UNC13C: variants seen among roughly 807,000 people sequenced by gnomAD.
UNC13C encodes protein unc-13 homolog C.
Under a neutral mutation model 245.4 loss-of-function variants are expected in UNC13C, and 174 were observed. The ratio of observed to expected loss-of-function variants is 0.71; its 90% CI spans 0.63 to 0.80. The LOEUF (loss-of-function observed/expected upper bound fraction) is 0.80. UNC13C is among the 30% of genes least tolerant of loss of function. The pLI is 0.00. For missense variants in UNC13C, 2,829 were observed against 2,602.9 expected (o/e 1.09, Z -1.89); for synonymous variants, 992 against 895.1 (o/e 1.11, Z -1.93).
chr15:54,241,759 G>T (rs1371772379), intron 7 of UNC13C, among the ~76,000 whole-genome samples: 1 of 152,112 alleles, frequency 6.6e-6, no homozygotes, highest in Non-Finnish European at 1.5e-5. Context: ...GGCCATCAGC[G>T]CAGTAGGGCA....
At chr15:53,981,244 A>G (rs746157414) in intron 1 of UNC13C, among the ~76,000 whole-genome samples, 32 of 152,292 alleles carry the variant, frequency 2.1e-4, no homozygotes, top group South Asian at 1.5e-3. Flanking sequence ...TCCAGTTTCA[A>G]CATATATGTT....
intron 19 of UNC13C, among the ~76,000 whole-genome samples, chr15:54,461,202 T>A (rs1024862093): frequency 6.6e-6 from 1 of 152,178 alleles, no homozygotes; most frequent in South Asian, 2.1e-4. Flanking sequence ...AGGTTGAGCA[T>A]CCCAAATCCA....
chr15:54,440,308 C>G (rs145347338), intron 19 of UNC13C, among the ~76,000 whole-genome samples: 8 of 152,062 alleles, frequency 5.3e-5, no homozygotes, highest in African/African-American at 1.4e-4. Context: ...AATTACCCAG[C>G]CTTGGGTATT....
At chr15:54,028,682 G>GTTTTTTTT (rs1896223044) in intron 2 of UNC13C, among the ~76,000 whole-genome samples, 3 of 42,360 alleles carry the variant, frequency 7.1e-5, no homozygotes, top group Admixed American at 2.5e-4. Context: ...CAGCCTACAA[G>GTTTTTTTT]TCTTTTTTTT....
intron 19 of UNC13C, among the ~76,000 whole-genome samples, chr15:54,484,341 G>C (rs11858004): frequency 0.44 from 67,299 of 152,032 alleles, 15,203 homozygotes; most frequent in East Asian, 0.71. Context: ...AGCGAGCATG[G>C]AAGTATTCAT....
At chr15:54,612,356 CTATT>C (rs1900152208) in intron 30 of UNC13C, among the ~76,000 whole-genome samples, 1 of 151,888 alleles carries the variant, frequency 6.6e-6, no homozygotes, top group Admixed American at 6.6e-5. Context: ...TGTGAATTGT[CTATT>C]TCTTTCTTCA....
Position 54,532,905 on chromosome 15 carries a change from C to A in UNC13C, c.5547-12C>A, listed in dbSNP as rs762904089. ...ATTCTTATATTTTAGAATTTATATTCTTTATTTTTAGTTTCCAGGTTATAA... is the reference window on the plus strand; with the variant it reads ...ATTCTTATATTTTAGAATTTATATTATTTATTTTTAGTTTCCAGGTTATAA... On this transcript the variant is annotated splice_polypyrimidine_tract_variant and intron_variant, in intron 25 of 32. Transcript: ENST00000260323. The A allele has an allele frequency of 1.4e-6, 2 of 1,463,028 alleles. No homozygotes were observed. The highest frequency in any genetic ancestry group is 1.9e-6 in the Non-Finnish European group (2 of 1,078,612). 90.6% of individuals were successfully genotyped at this position (1,463,028 alleles called of 1,614,324 possible).
chr15:54,237,825 C>A, intron 7 of UNC13C, 135 bp downstream of exon 7: 1 of 739,984 alleles, frequency 1.4e-6, no homozygotes, highest in Non-Finnish European at 2.2e-6. Flanking sequence ...ATGAGGAAAG[C>A]CTGACTCCAA....
chr15:54,059,283 A>G (rs1034635433), intron 2 of UNC13C, among the ~76,000 whole-genome samples: 5 of 152,200 alleles, frequency 3.3e-5, no homozygotes, highest in Admixed American at 6.5e-5. Context: ...ATACAAAATC[A>G]GTGTGCAAAA....
At chr15:53,853,428 T>C in the UNC13C span, among the ~76,000 whole-genome samples, 1 of 152,206 alleles carries the variant, frequency 6.6e-6, no homozygotes, top group Non-Finnish European at 1.5e-5. Context: ...GTTGATTCCA[T>C]GTCCTTGCTA....
At chr15:54,433,057 C>G (rs1405471743) in intron 19 of UNC13C, among the ~76,000 whole-genome samples, 5 of 151,942 alleles carry the variant, frequency 3.3e-5, no homozygotes, top group African/African-American at 1.2e-4. Context: ...GAAGTTGAAT[C>G]CCTGAATAGA....
chr15:54,070,585 T>G (rs1898275514), intron 2 of UNC13C, among the ~76,000 whole-genome samples: 1 of 152,192 alleles, frequency 6.6e-6, no homozygotes, highest in South Asian at 2.1e-4. Flanking sequence ...ATAGGTTTTT[T>G]TTAATCCTAA....
the UNC13C span, among the ~76,000 whole-genome samples, chr15:53,842,566 T>C: frequency 6.6e-6 from 1 of 152,146 alleles, no homozygotes. Flanking sequence ...GAGACTTTCG[T>C]TGAATACATG....
chr15:54,615,320 G>T (rs1900359522), intron 30 of UNC13C, among the ~76,000 whole-genome samples: 1 of 151,946 alleles, frequency 6.6e-6, no homozygotes, highest in African/African-American at 2.4e-5. Context: ...AACTTCCTTT[G>T]GTTACTGATA....
chr15:54,600,511 G>A (rs1209780758), intron 30 of UNC13C, among the ~76,000 whole-genome samples: 1 of 151,990 alleles, frequency 6.6e-6, no homozygotes, highest in Non-Finnish European at 1.5e-5. Context: ...TAGATTATAG[G>A]GGGCCTTTTA....
intron 2 of UNC13C, among the ~76,000 whole-genome samples, chr15:54,100,687 C>T (rs1165552184): frequency 6.7e-6 from 1 of 150,248 alleles, no homozygotes; most frequent in Non-Finnish European, 1.5e-5. Flanking sequence ...AACTCAGTAT[C>T]TCAAAAAAAA....
intron 4 of UNC13C, among the ~76,000 whole-genome samples, chr15:54,231,133 A>G (rs2035540116): frequency 6.6e-6 from 1 of 152,098 alleles, no homozygotes; most frequent in South Asian, 2.1e-4. Context: ...ACAATGAAAC[A>G]GGGTTGTGAT....
At chr15:53,848,800 A>G in the UNC13C span, among the ~76,000 whole-genome samples, 1 of 152,006 alleles carries the variant, frequency 6.6e-6, no homozygotes, top group Non-Finnish European at 1.5e-5. Flanking sequence ...CTTTTACTTC[A>G]TGTGTTTTGA....
chr15:54,138,542 C>G (rs2031849767), intron 2 of UNC13C, among the ~76,000 whole-genome samples: 1 of 152,012 alleles, frequency 6.6e-6, no homozygotes. Context: ...TATTTAGCCT[C>G]TAAATGCATT....
Sources: gnomAD v4.1 joint callset for allele counts (sites outside exome capture counted in the v4.1 genomes callset) on GRCh38, gnomAD v4.1.1 for gene constraint, MANE v1.5 for transcripts, NCBI Gene and HGNC (gene_info 2026-07-23, HGNC 2026-07-21) for gene names.